MYO18B: variants seen among roughly 807,000 people sequenced by gnomAD.
The protein encoded by MYO18B is myosin XVIIIB.
A neutral mutation model predicts 273.0 loss-of-function variants in MYO18B; 204 were observed. The observed-to-expected ratio is 0.75, with a 90% CI of 0.67 to 0.84. The LOEUF (loss-of-function observed/expected upper bound fraction) is 0.84, where lower values mean the gene tolerates loss of function less well. Ranked by LOEUF, MYO18B falls within the 40% of genes least tolerant of loss-of-function variation. MYO18B has a pLI of 0.00. For missense variants in MYO18B, 3,212 were observed against 3,287.6 expected (o/e 0.98, Z 0.56); for synonymous variants, 1,330 against 1,305.7 (o/e 1.02, Z -0.40).
At chr22:25,918,522 C>T (rs1211253929) in intron 33 of MYO18B, among the ~76,000 whole-genome samples, 1 of 152,136 alleles carries the variant, frequency 6.6e-6, no homozygotes, top group Non-Finnish European at 1.5e-5. Context: ...ATATTTTTTG[C>T]CCTCCTCTCT....
the MYO18B span, among the ~76,000 whole-genome samples, chr22:26,041,352 C>CA: frequency 0.16 from 9,661 of 61,950 alleles, 781 homozygotes; most frequent in African/African-American, 0.26. Flanking sequence ...CTGTCTCTAC[C>CA]AAAAAAAAAA....
At chr22:25,962,576 A>G (rs2092929435) in intron 39 of MYO18B, among the ~76,000 whole-genome samples, 1 of 152,202 alleles carries the variant, frequency 6.6e-6, no homozygotes, top group Admixed American at 6.5e-5. Flanking sequence ...AGATGCAGAC[A>G]TGGATGGACT....
rs1936279014 is a variant in MYO18B, at chr22:26,026,817, C to T, written c.6843C>T (p.Tyr2281=). 1.3e-6 allele frequency: 2 copies of T among 1,594,230 alleles called. No homozygotes were observed. Among genetic ancestry groups the T allele is most frequent in the Admixed American group, 1.8e-5 (1 of 56,576 alleles). Residue 2281 remains tyrosine, a synonymous_variant, in exon 43 of 44, where the codon TAC becomes TAT. Transcript: ENST00000335473. ...GLEDWPTLPI[Y]QTTGASTLRR... ...AGGACTGGCCCACTCTCCCCATTTA[C>T]CAGACGACTGGGGCCTCCACACTAA...
At chr22:25,948,685 A>G (rs1213933354) in intron 36 of MYO18B, among the ~76,000 whole-genome samples, 4 of 151,772 alleles carry the variant, frequency 2.6e-5, no homozygotes, top group African/African-American at 9.7e-5. Context: ...TATTGTGGTG[A>G]TCAGAAGCAC....
rs1020065853 is a variant in MYO18B, at chr22:25,891,321, C to G, written c.4452C>G (p.Val1484=). The G allele has an allele frequency of 6.4e-7, 1 of 1,574,254 alleles. No homozygotes were observed. The highest frequency in any genetic ancestry group is 1.2e-5 in the South Asian group (1 of 85,230). The change falls in exon 27 of 44, where the codon GTC becomes GTG. Residue 1484 remains valine (V), a synonymous_variant. Coordinates refer to ENST00000335473, the MANE Select transcript of MYO18B (RefSeq NM_032608.7). ...TCTTCTAGAGCAAGCATGAACAAGT[C>G]CAGAAAAAACTGGGAGATGTGAATA... ...VQELKSKHEQ[V]QKKLGDVNKQ...
chr22:25,890,659 A>T (rs1055967814), intron 25 of MYO18B, 97 bp from the exon 26 acceptor site: 32 of 1,503,664 alleles, frequency 2.1e-5, no homozygotes, highest in Admixed American at 1.2e-4. Flanking sequence ...CTTTCCCATG[A>T]TAGTGATTTG....
At chr22:25,915,978 G>T (rs2092255319) in intron 33 of MYO18B, among the ~76,000 whole-genome samples, 1 of 152,260 alleles carries the variant, frequency 6.6e-6, no homozygotes, top group Middle Eastern at 3.4e-3. Context: ...GATACAATTT[G>T]CTTGTAACCC....
At chr22:25,914,760 G>T (rs1473774969) in intron 33 of MYO18B, among the ~76,000 whole-genome samples, 1 of 134,068 alleles carries the variant, frequency 7.5e-6, no homozygotes, top group Non-Finnish European at 1.5e-5. Flanking sequence ...GCAGCGGCGC[G>T]ATCTCAGCTC....
At chr22:25,882,410 A>G (rs1216318586) in intron 25 of MYO18B, among the ~76,000 whole-genome samples, 5 of 152,120 alleles carry the variant, frequency 3.3e-5, no homozygotes, top group South Asian at 2.1e-4. Flanking sequence ...TTTTCTGGCT[A>G]TTGAGGTGTT....
At chr22:25,888,121 G>A (rs2091554765) in intron 25 of MYO18B, among the ~76,000 whole-genome samples, 1 of 152,130 alleles carries the variant, frequency 6.6e-6, no homozygotes, top group Non-Finnish European at 1.5e-5. Flanking sequence ...CCAAAATTAG[G>A]AGGAGACCCT....
chr22:25,837,522 T>C (rs888151719), intron 17 of MYO18B, among the ~76,000 whole-genome samples: 1 of 152,220 alleles, frequency 6.6e-6, no homozygotes, highest in Non-Finnish European at 1.5e-5. Flanking sequence ...ATGGAATGTT[T>C]CGGGTGATTG....
intron 20 of MYO18B, among the ~76,000 whole-genome samples, chr22:25,847,944 C>T (rs1472172771): frequency 9.1e-6 from 1 of 109,384 alleles, no homozygotes. Flanking sequence ...AAAACACACA[C>T]ACATACACAC....
intron 40 of MYO18B, among the ~76,000 whole-genome samples, chr22:25,999,640 T>TCC (rs1289913906): frequency 1.5e-3 from 141 of 96,070 alleles, no homozygotes; most frequent in African/African-American, 5.9e-3. Flanking sequence ...CTCCTCCTCC[T>TCC]TTCTCCTCCT....
chr22:25,966,912 C>T (rs1337956067), intron 39 of MYO18B, among the ~76,000 whole-genome samples: 2 of 152,154 alleles, frequency 1.3e-5, no homozygotes, highest in Non-Finnish European at 2.9e-5. Context: ...AGTTTCTTTG[C>T]GTCTGGCTCT....
chr22:25,877,853 G>T lies in MYO18B; in HGVS notation c.4225-106G>T. The T allele has an allele frequency of 3.8e-6, 3 of 779,976 alleles. No individual in the cohort carries two copies. In the South Asian group the frequency reaches 5.3e-5, roughly 14 times the overall value. The allele number at this position is 779,976 out of a possible 1,614,324, so 48.3% of individuals were successfully genotyped here. ...CCATTCTGTGCAATAGATTGCTAAGGTTTATTCCTCCTAACGGAAACTTTG... is the reference window on the plus strand; with the variant it reads ...CCATTCTGTGCAATAGATTGCTAAGTTTTATTCCTCCTAACGGAAACTTTG... On this transcript the variant is annotated intron_variant, in intron 24 of 43. Transcript: ENST00000335473.
At chr22:25,919,948 T>C (rs1427644819) in intron 33 of MYO18B, among the ~76,000 whole-genome samples, 2 of 152,182 alleles carry the variant, frequency 1.3e-5, no homozygotes, top group Non-Finnish European at 2.9e-5. Flanking sequence ...CCTTGTCTTA[T>C]CTCAACACGA....
chr22:25,745,832 G>T (rs986720007), intron 1 of MYO18B, among the ~76,000 whole-genome samples: 5 of 152,160 alleles, frequency 3.3e-5, no homozygotes, highest in Non-Finnish European at 7.4e-5. Context: ...GTACCAGCTG[G>T]GGTTTGAGTT....
intron 17 of MYO18B, among the ~76,000 whole-genome samples, chr22:25,841,784 G>A (rs549216219): frequency 1.3e-5 from 2 of 152,348 alleles, no homozygotes; most frequent in African/African-American, 4.8e-5. Context: ...CTAACAATGA[G>A]TCAACCAGTC....
intron 39 of MYO18B, among the ~76,000 whole-genome samples, chr22:25,979,594 A>G (rs2093128510): frequency 6.6e-6 from 1 of 152,126 alleles, no homozygotes; most frequent in Non-Finnish European, 1.5e-5. Context: ...CATGATGGCT[A>G]TTCTTTGCCC....
Sources: allele counts gnomAD v4.1 joint callset (sites outside exome capture counted in the v4.1 genomes callset), GRCh38; gene constraint gnomAD v4.1.1; transcripts MANE v1.5; gene names NCBI Gene and HGNC (gene_info 2026-07-23, HGNC 2026-07-21).